PLPP4: variants seen among roughly 807,000 people sequenced by gnomAD.
PLPP4 encodes the protein phospholipid phosphatase 4.
In PLPP4, 20 loss-of-function variants were observed where a neutral mutation model predicts 32.2. The ratio of observed to expected loss-of-function variants is 0.62; its 90% CI spans 0.44 to 0.90. PLPP4 has a LOEUF of 0.90. Among genes scored for constraint, PLPP4 ranks in the 40% least tolerant of loss-of-function variants. The pLI, the probability that PLPP4 is intolerant of heterozygous loss-of-function variation, is 0.00. For synonymous variants in PLPP4, 127 were observed against 133.0 expected (o/e 0.95, Z 0.31); for missense variants, 257 against 353.1 (o/e 0.73, Z 2.18).
intron 1 of PLPP4, among the ~76,000 whole-genome samples, chr10:120,491,715 T>G (rs1844732655): frequency 6.6e-6 from 1 of 152,214 alleles, no homozygotes; most frequent in Non-Finnish European, 1.5e-5. Context: ...TTATTTCATC[T>G]GCTTCCCTCT....
At chr10:120,563,769 C>CGCAGTCA in intron 5 of PLPP4, among the ~76,000 whole-genome samples, 1 of 110,984 alleles carries the variant, frequency 9.0e-6, no homozygotes, top group Non-Finnish European at 1.8e-5. Flanking sequence ...CACTGCAGTC[C>CGCAGTCA]GCAGTCCGGC....
intron 5 of PLPP4, among the ~76,000 whole-genome samples, chr10:120,550,923 CT>C (rs1295557421): frequency 1.3e-5 from 2 of 152,068 alleles, no homozygotes; most frequent in East Asian, 3.9e-4. Context: ...AAAATGTCTG[CT>C]TTTCAAAAGA....
chr10:120,506,305 C>T (rs1211638018), intron 2 of PLPP4, among the ~76,000 whole-genome samples: 7 of 152,194 alleles, frequency 4.6e-5, no homozygotes, highest in Non-Finnish European at 1.5e-5. Flanking sequence ...TTTATAATAC[C>T]TATAACACAA....
intron 2 of PLPP4, among the ~76,000 whole-genome samples, chr10:120,507,346 C>T (rs1174162118): frequency 1.1e-5 from 1 of 90,366 alleles, no homozygotes; most frequent in Non-Finnish European, 2.4e-5. Flanking sequence ...GGAAGTTCTT[C>T]ATCATCATCA....
intron 5 of PLPP4, among the ~76,000 whole-genome samples, chr10:120,532,043 T>C (rs766810455): frequency 5.9e-5 from 9 of 152,172 alleles, no homozygotes; most frequent in Non-Finnish European, 1.2e-4. Flanking sequence ...GTATTTCTCC[T>C]AATGCTATCC....
At chr10:120,561,241 T>G (rs1848418812) in intron 5 of PLPP4, among the ~76,000 whole-genome samples, 1 of 152,230 alleles carries the variant, frequency 6.6e-6, no homozygotes, top group African/African-American at 2.4e-5. Context: ...AACACATGTC[T>G]TTCAATCCCA....
rs1000301313 is a variant in PLPP4 at position 120,521,040 on chromosome 10, T to C, written c.390T>C (p.Gly130=). Residue 130 remains glycine, a synonymous_variant, in exon 5 of 7, where the codon GGT becomes GGC. Coordinates refer to ENST00000398250, the MANE Select transcript of PLPP4 (RefSeq NM_001030059.3). ...TGAACTCGGAAATGCATTGCACAGG[T>C]GACCCCGATCTGGTGTCCGAGGGCC... ...GVMNSEMHCT[G]DPDLVSEGRK... 2.5e-6 allele frequency: 4 copies of C among 1,613,994 alleles called. No individual in the cohort carries two copies. The highest frequency in any genetic ancestry group is 1.3e-5 in the African/African-American group (1 of 74,898).
At chr10:120,494,692 G>C (rs1844883547) in intron 1 of PLPP4, among the ~76,000 whole-genome samples, 2 of 152,188 alleles carry the variant, frequency 1.3e-5, no homozygotes, top group Non-Finnish European at 2.9e-5. Context: ...GATTAAATCA[G>C]CTGCTGCAAA....
At chr10:120,537,838 A>G (rs1031680353) in intron 5 of PLPP4, among the ~76,000 whole-genome samples, 1 of 151,924 alleles carries the variant, frequency 6.6e-6, no homozygotes, top group Admixed American at 6.6e-5. Flanking sequence ...AGCTCAATAA[A>G]GCTGAAAACA....
At chr10:120,571,548 G>A (rs566023553) in intron 5 of PLPP4, among the ~76,000 whole-genome samples, 1 of 152,226 alleles carries the variant, frequency 6.6e-6, no homozygotes, top group African/African-American at 2.4e-5. Context: ...AACATGTCTT[G>A]GACAGCCTTC....
chr10:120,532,691 G>T (rs576778931), intron 5 of PLPP4, among the ~76,000 whole-genome samples: 1 of 151,976 alleles, frequency 6.6e-6, no homozygotes, highest in African/African-American at 2.4e-5. Context: ...TCTATAATTT[G>T]CCTATTCTGG....
chr10:120,529,627 A>T (rs1375912996), intron 5 of PLPP4, among the ~76,000 whole-genome samples: 1 of 152,186 alleles, frequency 6.6e-6, no homozygotes, highest in Non-Finnish European at 1.5e-5. Context: ...TAGGAGGACC[A>T]CTTTAGGCCA....
intron 3 of PLPP4, among the ~76,000 whole-genome samples, chr10:120,516,388 A>G (rs752342481): frequency 2.4e-4 from 36 of 152,320 alleles, no homozygotes; most frequent in African/African-American, 1.2e-4. Context: ...TGCATCTGGC[A>G]TTGGATGAGA....
intron 2 of PLPP4, among the ~76,000 whole-genome samples, chr10:120,506,098 A>T (rs1183095807): frequency 6.6e-6 from 1 of 152,236 alleles, no homozygotes; most frequent in Non-Finnish European, 1.5e-5. Context: ...GGTAGAAATT[A>T]GTCAGTAGAG....
Position 120,457,249 on chromosome 10 carries a change from G to C in PLPP4, c.-57G>C. 7.2e-7 allele frequency: 1 copy of C among 1,383,750 alleles called. No homozygotes were observed. 85.7% of individuals were successfully genotyped at this position (1,383,750 alleles called of 1,614,324 possible). On this transcript the variant is annotated 5_prime_UTR_variant, in exon 1 of 7. Coordinates refer to ENST00000398250, the MANE Select transcript of PLPP4 (RefSeq NM_001030059.3). ...GGTCTGGCGAGCCGGCGCCGGCCGA[G>C]CTGCGGGAGCCGCGGAGAGCACCAG...
At position 120,589,584 on chromosome 10, in the gene PLPP4, T is replaced by A; in HGVS notation, c.*82T>A. 9.0e-7 allele frequency: 1 copy of A among 1,105,292 alleles called. No homozygotes were observed. Among genetic ancestry groups the A allele is most frequent in the South Asian group, 1.6e-5 (1 of 63,152 alleles). The allele number at this position is 1,105,292 out of a possible 1,614,324, so 68.5% of individuals were successfully genotyped here. A position where few individuals can be genotyped will look rare whatever the true frequency, so the allele number is the denominator to read the frequency against. Reference sequence around the variant, plus strand: ...ATAACACAATAGAAATGGTTTTCTGTAGTGTATTTTTCATCAGTTGTTTCT... The same window carrying A: ...ATAACACAATAGAAATGGTTTTCTGAAGTGTATTTTTCATCAGTTGTTTCT... On this transcript the variant is annotated 3_prime_UTR_variant, in exon 7 of 7. Coordinates refer to ENST00000398250, the MANE Select transcript of PLPP4 (RefSeq NM_001030059.3).
chr10:120,469,575 C>T (rs148542334), intron 1 of PLPP4, among the ~76,000 whole-genome samples: 1 of 152,230 alleles, frequency 6.6e-6, no homozygotes, highest in East Asian at 1.9e-4. Context: ...GGAAGAATTA[C>T]ACCACAATGA....
intron 5 of PLPP4, among the ~76,000 whole-genome samples, chr10:120,533,785 T>C (rs1334338193): frequency 6.6e-6 from 1 of 152,186 alleles, no homozygotes; most frequent in African/African-American, 2.4e-5. Context: ...GAATTTGTTA[T>C]ATTTACCTTC....
At chr10:120,505,370 C>A (rs1200567776) in intron 2 of PLPP4, among the ~76,000 whole-genome samples, 1 of 152,190 alleles carries the variant, frequency 6.6e-6, no homozygotes, top group Non-Finnish European at 1.5e-5. Flanking sequence ...AATATTTAAG[C>A]TCCTCTTTGT....
Sources: gnomAD v4.1 joint callset for allele counts (sites outside exome capture counted in the v4.1 genomes callset) on GRCh38, gnomAD v4.1.1 for gene constraint, MANE v1.5 for transcripts, NCBI Gene and HGNC (gene_info 2026-07-23, HGNC 2026-07-21) for gene names.